PFKFB3: variants seen among roughly 807,000 people sequenced by gnomAD.
PFKFB3 encodes 6-phosphofructo-2-kinase/fructose-2,6-biphosphatase 3.
Under a neutral mutation model 68.0 loss-of-function variants are expected in PFKFB3, and 33 were observed. That is an observed-to-expected ratio of 0.49 (90% confidence interval 0.37 to 0.65). The LOEUF (loss-of-function observed/expected upper bound fraction) is 0.65, where lower values mean the gene tolerates loss of function less well. PFKFB3 is among the 30% of genes least tolerant of loss of function. The probability of loss-of-function intolerance (pLI) is 0.00; values close to 1 mark genes in which losing one functional copy is unlikely to be tolerated. For synonymous variants in PFKFB3, 315 were observed against 288.2 expected, an observed-to-expected ratio of 1.09 and a Z score of -0.94; for missense variants, 586 against 712.2, an observed-to-expected ratio of 0.82 and a Z score of 2.02.
chr10:6,295,568 C>T, the PFKFB3 span, among the ~76,000 whole-genome samples: 4 of 151,796 alleles, frequency 2.6e-5, no homozygotes, highest in East Asian at 3.9e-4. Flanking sequence ...ATTATACAGG[C>T]GCCATCTTGA....
At chr10:6,155,919 T>C (rs1841767571) in intron 1 of PFKFB3, among the ~76,000 whole-genome samples, 1 of 152,152 alleles carries the variant, frequency 6.6e-6, no homozygotes, top group Admixed American at 6.6e-5. Context: ...GGAAGATATT[T>C]TTCTTTCTTA....
the PFKFB3 span, among the ~76,000 whole-genome samples, chr10:6,302,389 T>G: frequency 1.2e-4 from 14 of 114,254 alleles, no homozygotes; most frequent in East Asian, 2.5e-3. Flanking sequence ...TTTTTTTTTT[T>G]TTTTTTTTTT....
At chr10:6,194,128 C>CGTGTAGA (rs1489023129) in intron 1 of PFKFB3, among the ~76,000 whole-genome samples, 16 of 152,302 alleles carry the variant, frequency 1.1e-4, no homozygotes, top group Admixed American at 3.3e-4. Flanking sequence ...GAGGTCTAGA[C>CGTGTAGA]GAGGTGTAGA....
rs987344587 is a variant in PFKFB3, at chr10:6,154,348, C to T, written c.16+9335C>T. On this transcript the variant is annotated intron_variant, in intron 1 of 14. Transcript: ENST00000379789. The surrounding 1 kb of genome is among the most constrained non-coding windows in gnomAD (Gnocchi z 4.6). ...GCAACCTCTGCCTCTCGAGTTCAAG[C>T]GATCCTCCTGCCTCAGCCTCCAGGG... is the stretch of plus-strand genomic sequence containing the variant. Among the ~76,000 whole-genome samples the T allele has an allele frequency of 2.0e-5, 3 of 151,798 alleles. No individual in the cohort carries two copies. The highest frequency in any genetic ancestry group is 2.4e-5 in the African/African-American group (1 of 41,286).
In PFKFB3 at chr10:6,216,142, C is replaced by G. The variant is rs1182445688; in HGVS notation, c.317C>G (p.Ala106Gly). The G allele has an allele frequency of 7.4e-6, 12 of 1,614,012 alleles. No homozygotes were observed. Among genetic ancestry groups the G allele is most frequent in the Non-Finnish European group, 1.0e-5 (12 of 1,179,982 alleles). ...MKVRKQCALA[A>G]LRDVKSYLAK... is the part of the protein sequence containing the mutation. Reference sequence around the variant, plus strand: ...CATTCCAGGCAATGTGCCTTAGCTGCCTTGAGAGATGTCAAAAGCTACCTG... The same window carrying G: ...CATTCCAGGCAATGTGCCTTAGCTGGCTTGAGAGATGTCAAAAGCTACCTG... The change falls in exon 4 of 15, where the codon GCC becomes GGC. Residue 106 changes from alanine (A) to glycine (G), a missense_variant. Coordinates refer to ENST00000379775, the MANE Select transcript of PFKFB3 (RefSeq NM_004566.4).
intron 1 of PFKFB3, among the ~76,000 whole-genome samples, chr10:6,177,451 T>TCTTC (rs1842547133): frequency 7.9e-6 from 1 of 126,740 alleles, no homozygotes; most frequent in African/African-American, 2.8e-5. Context: ...TTTCTTTCTT[T>TCTTC]CTTTCTTTCT....
intron 1 of PFKFB3, among the ~76,000 whole-genome samples, chr10:6,179,360 T>G (rs1842637348): frequency 6.6e-6 from 1 of 152,188 alleles, no homozygotes; most frequent in Admixed American, 6.6e-5. Context: ...GCCACACAAA[T>G]CCAAATAAGG....
At chr10:6,302,414 T>C in the PFKFB3 span, among the ~76,000 whole-genome samples, 1 of 96,126 alleles carries the variant, frequency 1.0e-5, no homozygotes, top group African/African-American at 4.2e-5. Flanking sequence ...CGGAGTCTTG[T>C]TCTGTTGCCC....
intron 1 of PFKFB3, among the ~76,000 whole-genome samples, chr10:6,206,472 C>A (rs1298006729): frequency 7.7e-6 from 1 of 129,986 alleles, no homozygotes; most frequent in Non-Finnish European, 1.6e-5. Context: ...GTTGGGTACA[C>A]CTCCCAGACG....
At chr10:6,291,206 G>T in the PFKFB3 span, among the ~76,000 whole-genome samples, 1 of 152,096 alleles carries the variant, frequency 6.6e-6, no homozygotes, top group Non-Finnish European at 1.5e-5. Context: ...AATCTTCAGA[G>T]TCAAATGCCA....
In PFKFB3 at chr10:6,221,580, C is replaced by T. The variant is rs575862848; in HGVS notation, c.978+53C>T. On this transcript the variant is annotated intron_variant, in intron 9 of 14. Transcript: ENST00000379775. Reference sequence around the variant, plus strand: ...CTCACCCTCGGGCATGGGGCGGCTTCCCAAGAGGCCCTAGACACCCCTGTG... The same window carrying T: ...CTCACCCTCGGGCATGGGGCGGCTTTCCAAGAGGCCCTAGACACCCCTGTG... 3.1e-6 allele frequency: 5 copies of T among 1,611,276 alleles called. No individual in the cohort carries two copies. The East Asian group carries it at 1.1e-4, about 36-fold the overall frequency.
downstream of PFKFB3, among the ~76,000 whole-genome samples, chr10:6,258,526 A>C (rs543771495): frequency 3.1e-4 from 47 of 152,298 alleles, no homozygotes; most frequent in African/African-American, 1.1e-3. Context: ...AATGAACAGC[A>C]CTCTGAAGTC....
chr10:6,245,960 T>C (rs1588566144), intron 14 of PFKFB3: 1 of 152,272 alleles, frequency 6.6e-6, no homozygotes, highest in Non-Finnish European at 1.5e-5. Context: ...ATATGGCAGC[T>C]ACGGCTAACT....
chr10:6,210,950 C>T lies in PFKFB3; in HGVS notation c.77-2673C>T, dbSNP rs1380674524. Among the ~76,000 whole-genome samples, 4 of 144,966 alleles carry T rather than the reference C, an allele frequency of 2.8e-5. 2 individuals carry two copies. Among genetic ancestry groups the T allele is most frequent in the African/African-American group, 9.9e-5 (4 of 40,310 alleles). Reference sequence around the variant, plus strand: ...GTCTTGATCTCCTGACCTCATGATCCACCCGCCTCGGCCTCCCAGAGGGCT... The same window carrying T: ...GTCTTGATCTCCTGACCTCATGATCTACCCGCCTCGGCCTCCCAGAGGGCT... On this transcript the variant is annotated intron_variant, in intron 1 of 14. Transcript: ENST00000379775.
At chr10:6,311,489 C>CCCACCTGTAA in the PFKFB3 span, among the ~76,000 whole-genome samples, 5,277 of 152,180 alleles carry the variant, frequency 0.035, 138 homozygotes, top group Middle Eastern at 0.15. Context: ...CCCAGTGGCT[C>CCCACCTGTAA]TCTGGGCCCA....
the PFKFB3 span, among the ~76,000 whole-genome samples, chr10:6,317,177 G>C: frequency 6.6e-6 from 1 of 152,128 alleles, no homozygotes; most frequent in African/African-American, 2.4e-5. Context: ...ACTCCCATGG[G>C]GGACGTGCTC....
chr10:6,267,006 A>G, the PFKFB3 span, among the ~76,000 whole-genome samples: 9 of 152,228 alleles, frequency 5.9e-5, no homozygotes, highest in Non-Finnish European at 8.8e-5. Context: ...TAAATTATAA[A>G]TCTTTCACCT....
At chr10:6,203,377 C>A in intron 1 of PFKFB3, 41 bp downstream of exon 1, 6 of 1,516,452 alleles carry the variant, frequency 4.0e-6, no homozygotes, top group Non-Finnish European at 5.4e-6. Context: ...GGGCGGGCTG[C>A]GCCGGGCCGG....
At chr10:6,185,743 G>A (rs911460958) in intron 1 of PFKFB3, among the ~76,000 whole-genome samples, 6 of 148,758 alleles carry the variant, frequency 4.0e-5, no homozygotes, top group South Asian at 2.2e-4. Context: ...GGGTTCAAGC[G>A]ATTTTCCTGC....
Sources: allele counts gnomAD v4.1 joint callset (sites outside exome capture counted in the v4.1 genomes callset), GRCh38; gene constraint gnomAD v4.1.1; non-coding constraint Gnocchi (gnomAD v3.1); transcripts MANE v1.5; gene names NCBI Gene and HGNC (gene_info 2026-07-23, HGNC 2026-07-21).